NAA15: variants seen among roughly 807,000 people sequenced by gnomAD.
The protein encoded by NAA15 is N-terminal acetyltransferase.
In NAA15, 34 loss-of-function variants were observed where a neutral mutation model predicts 114.0. The observed-to-expected ratio is 0.30, with a 90% CI of 0.23 to 0.40. The LOEUF (loss-of-function observed/expected upper bound fraction) is 0.40. Among genes scored for constraint, NAA15 ranks in the 10% least tolerant of loss-of-function variants. The probability of loss-of-function intolerance (pLI) is 1.00; values close to 1 mark genes in which losing one functional copy is unlikely to be tolerated. For synonymous variants in NAA15, 340 were observed against 338.0 expected, an observed-to-expected ratio of 1.01 and a Z score of -0.06; for missense variants, 658 against 1,004.5, an observed-to-expected ratio of 0.66 and a Z score of 4.66.
intron 1 of NAA15, among the ~76,000 whole-genome samples, chr4:139,317,203 T>C (rs1307229686): frequency 6.6e-6 from 1 of 151,932 alleles, no homozygotes; most frequent in Non-Finnish European, 1.5e-5. Flanking sequence ...TATGCTCTTA[T>C]ACGTAAATTG....
intron 1 of NAA15, among the ~76,000 whole-genome samples, chr4:139,322,369 C>G (rs934592843): frequency 6.6e-6 from 1 of 152,206 alleles, no homozygotes. Flanking sequence ...CTCCTCCAGC[C>G]TCATGGAACT....
At chr4:139,384,774 CTT>C (rs1384153683) in intron 17 of NAA15, 56 bp from the exon 18 acceptor site, 1 of 1,170,292 alleles carries the variant, frequency 8.5e-7, no homozygotes, top group Non-Finnish European at 1.1e-6. Flanking sequence ...CAAAAATAAA[CTT>C]TTGTAAACTT....
rs1042211634 is a variant in NAA15 at position 139,391,067 on chromosome 4, G to C, written c.*2983G>C. 4.6e-5 allele frequency: 7 copies of C among 152,168 alleles called. No homozygotes were observed. Among genetic ancestry groups the C allele is most frequent in the African/African-American group, 1.4e-4 (6 of 41,426 alleles). The allele number at this position is 152,168 out of a possible 1,614,324, so 9.4% of individuals were successfully genotyped here. On this transcript the variant is annotated 3_prime_UTR_variant, in exon 20 of 20. Coordinates refer to ENST00000296543, the MANE Select transcript of NAA15 (RefSeq NM_057175.5). ...AAATATTGGACTTTGTTGCAAGATA[G>C]GTATATACTTGTGTCAGATAATTAA...
chr4:139,337,499 G>C (rs1161611443), intron 3 of NAA15, among the ~76,000 whole-genome samples: 1 of 152,038 alleles, frequency 6.6e-6, no homozygotes, highest in East Asian at 1.9e-4. Context: ...TCACTGTGTT[G>C]GTTTAAAGAC....
chr4:139,345,813 C>G (rs539519097), intron 6 of NAA15, among the ~76,000 whole-genome samples: 1 of 151,828 alleles, frequency 6.6e-6, no homozygotes. Flanking sequence ...CCCAGCTACT[C>G]GGGAGGCTGA....
At position 139,384,613 on chromosome 4, in the gene NAA15, G is replaced by T. The variant is rs183524607; in HGVS notation, c.2156-219G>T. 4.6e-3 allele frequency among the ~76,000 whole-genome samples: 695 copies of T among 152,060 alleles called. 4 individuals are homozygous for T. Among genetic ancestry groups the T allele is most frequent in the Non-Finnish European group, 7.4e-3 (506 of 67,998 alleles). ...TAGGTAATTTAACTCCTATAGGCTG[G>T]GTGTGGTGGTGCACACCTGAAGTCC... On this transcript the variant is annotated intron_variant, in intron 17 of 19. Transcript: ENST00000296543.
At chr4:139,378,247 T>C (rs1436211702) in intron 16 of NAA15, among the ~76,000 whole-genome samples, 1 of 151,990 alleles carries the variant, frequency 6.6e-6, no homozygotes, top group African/African-American at 2.4e-5. Context: ...AGGGAATGGG[T>C]GTGGGGATAG....
chr4:139,310,930 A>T (rs1050282250), intron 1 of NAA15, among the ~76,000 whole-genome samples: 5 of 151,212 alleles, frequency 3.3e-5, no homozygotes, highest in African/African-American at 7.3e-5. Context: ...AATTTAAAAA[A>T]TTTTGAGACA....
chr4:139,310,398 G>A (rs1466425434), intron 1 of NAA15, among the ~76,000 whole-genome samples: 1 of 147,984 alleles, frequency 6.8e-6, no homozygotes, highest in Non-Finnish European at 1.5e-5. Context: ...AGCTTGCAGT[G>A]AGCCGAGATC....
intron 15 of NAA15, among the ~76,000 whole-genome samples, chr4:139,372,842 A>G (rs759050027): frequency 4.6e-5 from 7 of 151,866 alleles, no homozygotes; most frequent in Middle Eastern, 3.2e-3. Context: ...TAACAGGGAT[A>G]CATTCTGACA....
chr4:139,313,911 G>A (rs1488352046), intron 1 of NAA15, among the ~76,000 whole-genome samples: 1 of 151,760 alleles, frequency 6.6e-6, no homozygotes, highest in Non-Finnish European at 1.5e-5. Context: ...CCTAAAAGTC[G>A]CTGCGCTTTG....
chr4:139,315,404 C>T (rs1035182526), intron 1 of NAA15, among the ~76,000 whole-genome samples: 1 of 151,706 alleles, frequency 6.6e-6, no homozygotes, highest in Non-Finnish European at 1.5e-5. Flanking sequence ...CTGTAATCCC[C>T]GCTACTTGGC....
At position 139,390,010 on chromosome 4, in the gene NAA15, A is replaced by G. The variant is rs991151020; in HGVS notation, c.*1926A>G. The G allele has an allele frequency of 6.5e-6, 1 of 152,678 alleles. No individual in the cohort carries two copies. 9.5% of individuals were successfully genotyped at this position (152,678 alleles called of 1,614,324 possible). On this transcript the variant is annotated 3_prime_UTR_variant, in exon 20 of 20. Coordinates refer to ENST00000296543, the MANE Select transcript of NAA15 (RefSeq NM_057175.5). Reference sequence around the variant, plus strand: ...CAACTGAAGTTCTTATTGTTGGGAAAGAACACTAGTCCTACCTCTGCCACT... The same window carrying G: ...CAACTGAAGTTCTTATTGTTGGGAAGGAACACTAGTCCTACCTCTGCCACT...
chr4:139,345,702 C>T (rs546779371), intron 6 of NAA15, among the ~76,000 whole-genome samples: 4 of 152,244 alleles, frequency 2.6e-5, no homozygotes, highest in South Asian at 4.1e-4. Context: ...AGGTGGATCA[C>T]GAGGTCAGGA....
intron 1 of NAA15, among the ~76,000 whole-genome samples, chr4:139,313,669 C>G (rs1041610876): frequency 6.6e-6 from 1 of 151,434 alleles, no homozygotes; most frequent in Non-Finnish European, 1.5e-5. Flanking sequence ...CTCAGCCTCC[C>G]GAGTAGCTGG....
intron 17 of NAA15, among the ~76,000 whole-genome samples, chr4:139,380,867 T>G (rs1309527152): frequency 6.6e-6 from 1 of 152,230 alleles, no homozygotes; most frequent in Non-Finnish European, 1.5e-5. Context: ...AGTGGCATCT[T>G]TGTTATACCC....
intron 18 of NAA15, 87 bp from the exon 19 acceptor site, chr4:139,386,046 A>G: frequency 1.5e-6 from 1 of 675,034 alleles, no homozygotes; most frequent in Non-Finnish European, 2.6e-6. Flanking sequence ...CTGCATATAT[A>G]TCTTGTTTGC....
chr4:139,362,084 G>T, intron 14 of NAA15, 147 bp downstream of exon 14: 1 of 481,102 alleles, frequency 2.1e-6, no homozygotes, highest in Non-Finnish European at 3.5e-6. Context: ...AAAGAAAAAT[G>T]TTTACTTTTA....
intron 14 of NAA15, 122 bp downstream of exon 14, chr4:139,362,059 G>A (rs1443937250): frequency 3.6e-6 from 2 of 556,350 alleles, no homozygotes; most frequent in South Asian, 5.2e-5. Flanking sequence ...ATTATACAAG[G>A]TTCTCTAAAC....
Sources: allele counts gnomAD v4.1 joint callset (sites outside exome capture counted in the v4.1 genomes callset), GRCh38; gene constraint gnomAD v4.1.1; transcripts MANE v1.5; gene names NCBI Gene and HGNC (gene_info 2026-07-23, HGNC 2026-07-21).